Variants in RXFP1 observed in about 807,000 individuals in gnomAD.
RXFP1 encodes relaxin receptor 1.
A neutral mutation model predicts 89.8 loss-of-function variants in RXFP1; 73 were observed. The observed-to-expected ratio is 0.81, with a 90% confidence interval of 0.67 to 0.99. The LOEUF is 0.99. Among genes scored for constraint, RXFP1 ranks in the 50% least tolerant of loss-of-function variants. RXFP1 has a pLI of 0.00. For synonymous variants in RXFP1, 277 were observed against 305.5 expected, an observed-to-expected ratio of 0.91 and a Z score of 0.97; for missense variants, 793 against 895.5, an observed-to-expected ratio of 0.89 and a Z score of 1.46.
chr4:158,542,902 C>T (rs1747178835), intron 1 of RXFP1, among the ~76,000 whole-genome samples: 1 of 151,958 alleles, frequency 6.6e-6, no homozygotes. Flanking sequence ...ATCTTTTTTT[C>T]ACATAAAGTC....
At position 158,606,090 on chromosome 4, in the gene RXFP1, T is replaced by G. The variant is rs979511301; in HGVS notation, c.464+951T>G. On this transcript the variant is annotated intron_variant, in intron 5 of 17. Transcript: ENST00000307765. ...ACTTTTCAAAATTTCATTCTGAACATTTATCAGTCAAAAGAGAAGAACTTT... is the reference window on the plus strand; with the variant it reads ...ACTTTTCAAAATTTCATTCTGAACAGTTATCAGTCAAAAGAGAAGAACTTT... Among the ~76,000 whole-genome samples the G allele has an allele frequency of 4.6e-5, 7 of 152,186 alleles. No homozygotes were observed. The South Asian group carries it at 1.4e-3, about 32-fold the overall frequency.
chr4:158,626,993 G>GT (rs1315717254), intron 10 of RXFP1, 102 bp downstream of exon 10: 7 of 518,170 alleles, frequency 1.4e-5, no homozygotes, highest in Non-Finnish European at 2.3e-5. Context: ...AACATCAAGA[G>GT]TCTGTTGTTG....
chr4:158,612,480 A>G (rs1457256083), intron 8 of RXFP1, 118 bp downstream of exon 8: 1 of 663,442 alleles, frequency 1.5e-6, no homozygotes, highest in East Asian at 2.8e-5. Flanking sequence ...GGCCTTTTCA[A>G]TGAAAAACCT....
intron 9 of RXFP1, among the ~76,000 whole-genome samples, chr4:158,626,167 GATA>G (rs1468846016): frequency 3.4e-5 from 5 of 146,600 alleles, no homozygotes; most frequent in Non-Finnish European, 7.6e-5. Context: ...TAGATAGATA[GATA>G]GATAGATGTA....
At chr4:158,636,689 A>G (rs971943820) in intron 12 of RXFP1, among the ~76,000 whole-genome samples, 5 of 152,266 alleles carry the variant, frequency 3.3e-5, no homozygotes, top group African/African-American at 9.6e-5. Flanking sequence ...ATATGTATAC[A>G]TTGTGGAATG....
chr4:158,623,785 C>G (rs1045363150), intron 9 of RXFP1, among the ~76,000 whole-genome samples: 3 of 151,988 alleles, frequency 2.0e-5, no homozygotes, highest in Non-Finnish European at 1.5e-5. Flanking sequence ...AGGAAAATCT[C>G]CTTAAAGAGA....
At chr4:158,630,984 A>G (rs1767919005) in intron 11 of RXFP1, among the ~76,000 whole-genome samples, 2 of 152,158 alleles carry the variant, frequency 1.3e-5, no homozygotes, top group Non-Finnish European at 2.9e-5. Flanking sequence ...AAAGTCAACT[A>G]CTCTAGTTTA....
rs556450027 is a variant in RXFP1 at position 158,597,510 on chromosome 4, G to A, written c.287-1816G>A. Among the ~76,000 whole-genome samples the A allele has an allele frequency of 3.2e-4, 48 of 151,988 alleles. 1 individual carries two copies. The highest frequency in any genetic ancestry group is 1.1e-3 in the African/African-American group (45 of 41,448). ...ACCATTTTTATCAAATTTTCAATTA[G>A]CATTTCGGCATAATCAGGTATCCAT... is the stretch of plus-strand genomic sequence containing the variant. On this transcript the variant is annotated intron_variant, in intron 3 of 17. Coordinates refer to ENST00000307765, the MANE Select transcript of RXFP1 (RefSeq NM_021634.4).
rs1772966497 is a variant in RXFP1, at chr4:158,652,796, C to G, written c.*741C>G. The G allele has an allele frequency of 1.3e-5, 2 of 152,124 alleles. No homozygotes were observed. The highest frequency in any genetic ancestry group is 4.8e-5 in the African/African-American group (2 of 41,422). The allele number at this position is 152,124 out of a possible 1,614,324, so 9.4% of individuals were successfully genotyped here. On this transcript the variant is annotated 3_prime_UTR_variant, in exon 18 of 18. Transcript: ENST00000307765. The stretch of plus-strand genomic sequence containing the variant: ...ACGGCAGAGAAGTGGATCAGAAAAA[C>G]TAGAATGAGGATAAACATTTACATT...
At chr4:158,527,564 A>AAAAAAAAAATATATATATAT (rs5741905) in intron 1 of RXFP1, among the ~76,000 whole-genome samples, 3 of 98,328 alleles carry the variant, frequency 3.1e-5, no homozygotes, top group African/African-American at 1.1e-4. Flanking sequence ...AAAAAAAAAA[A>AAAAAAAAAATATATATATAT]ATATATATAT....
chr4:158,619,807 G>A (rs1381829940), intron 9 of RXFP1, among the ~76,000 whole-genome samples: 1 of 150,780 alleles, frequency 6.6e-6, no homozygotes, highest in East Asian at 2.0e-4. Flanking sequence ...AGAGCATTCT[G>A]CCCCAGGGTA....
intron 2 of RXFP1, among the ~76,000 whole-genome samples, chr4:158,575,372 ATC>A (rs1358527615): frequency 1.3e-5 from 2 of 152,188 alleles, no homozygotes; most frequent in Non-Finnish European, 2.9e-5. Flanking sequence ...TAATAAGAGT[ATC>A]CATGTTCATG....
chr4:158,546,057 C>T (rs564636658), intron 1 of RXFP1, among the ~76,000 whole-genome samples: 4 of 152,034 alleles, frequency 2.6e-5, no homozygotes, highest in Non-Finnish European at 4.4e-5. Context: ...GCCATTTTCA[C>T]GATATTGATT....
chr4:158,534,466 C>CG (rs768298236), intron 1 of RXFP1, among the ~76,000 whole-genome samples: 28 of 152,044 alleles, frequency 1.8e-4, no homozygotes, highest in Non-Finnish European at 3.7e-4. Context: ...AGGTTGGTCT[C>CG]GAACTCCTGA....
intron 1 of RXFP1, among the ~76,000 whole-genome samples, chr4:158,542,101 ATATATATATTTT>A (rs1367859206): frequency 0.01 from 417 of 41,518 alleles, 32 homozygotes; most frequent in African/African-American, 0.025. Flanking sequence ...ATATATATAT[ATATATATATTTT>A]TTTTTTAGTA....
intron 1 of RXFP1, among the ~76,000 whole-genome samples, chr4:158,542,079 C>CCATGTATATATATATATATA (rs56378897): frequency 3.3e-5 from 1 of 29,854 alleles, no homozygotes; most frequent in Non-Finnish European, 7.0e-5. Flanking sequence ...GCCACCATGG[C>CCATGTATATATATATATATA]TATATATATA....
chr4:158,543,385 C>T (rs1336360951), intron 1 of RXFP1, among the ~76,000 whole-genome samples: 1 of 152,152 alleles, frequency 6.6e-6, no homozygotes, highest in Non-Finnish European at 1.5e-5. Context: ...AATGGCTTTT[C>T]CAAAAATTTC....
In RXFP1 at chr4:158,521,964, CAGATAGA is replaced by C; in HGVS notation, c.-10_-4del. On this transcript the variant is annotated 5_prime_UTR_variant, in exon 1 of 18. It removes the in-frame stop codon of an upstream open reading frame in the 5' UTR. Coordinates refer to ENST00000307765, the MANE Select transcript of RXFP1 (RefSeq NM_021634.4). ...TGCTCACTTTCATTAATCAGTTGCT[CAGATAGA>C]AGGAAATGACATCTGGTTCTGTCTT... 1 of 1,605,432 alleles carries C rather than the reference CAGATAGA, an allele frequency of 6.2e-7. No individual in the cohort carries two copies. The highest frequency in any genetic ancestry group is 8.5e-7 in the Non-Finnish European group (1 of 1,174,190).
At position 158,549,451 on chromosome 4, in the gene RXFP1, C is replaced by T. The variant is rs1749494813; in HGVS notation, c.50-23247C>T. On this transcript the variant is annotated intron_variant, in intron 1 of 17. Coordinates refer to ENST00000307765, the MANE Select transcript of RXFP1 (RefSeq NM_021634.4). ...CGTCTGAAGCCTTCTTCTCTCAGCT[C>T]GTCAAACTCATTTTCCGTCCGGCTT... is the stretch of plus-strand genomic sequence containing the variant. 4.6e-5 allele frequency among the ~76,000 whole-genome samples: 7 copies of T among 152,288 alleles called. No homozygotes were observed. The South Asian group carries it at 1.0e-3, about 23-fold the overall frequency.
Sources: gnomAD v4.1 joint callset for allele counts (sites outside exome capture counted in the v4.1 genomes callset) on GRCh38, gnomAD v4.1.1 for gene constraint, MANE v1.5 for transcripts, NCBI Gene and HGNC (gene_info 2026-07-23, HGNC 2026-07-21) for gene names.